NPAS3: variants seen among roughly 807,000 people sequenced by gnomAD.
The protein encoded by NPAS3 is neuronal PAS domain-containing protein 3.
Under a neutral mutation model 73.1 loss-of-function variants are expected in NPAS3, and 14 were observed. The observed-to-expected ratio is 0.19, with a 90% CI of 0.13 to 0.30. NPAS3 has a LOEUF of 0.30. NPAS3 is among the 10% of genes least tolerant of loss of function. The pLI is 1.00. For missense variants in NPAS3, 1,096 were observed against 1,250.0 expected (o/e 0.88, Z 1.86); for synonymous variants, 620 against 541.5 (o/e 1.14, Z -2.01).
intron 3 of NPAS3, among the ~76,000 whole-genome samples, chr14:33,365,120 T>A (rs1056195157): frequency 2.2e-5 from 3 of 134,056 alleles, no homozygotes; most frequent in Non-Finnish European, 4.6e-5. Context: ...CTAATTACTG[T>A]CTCAAAAACA....
intron 5 of NPAS3, among the ~76,000 whole-genome samples, chr14:33,656,106 C>T (rs7155493): frequency 0.49 from 73,933 of 151,656 alleles, 18,103 homozygotes; most frequent in East Asian, 0.57. Flanking sequence ...AATTTCTGTT[C>T]AGTCAGACTT....
At chr14:33,024,440 G>T (rs1257805235) in intron 1 of NPAS3, among the ~76,000 whole-genome samples, 1 of 152,034 alleles carries the variant, frequency 6.6e-6, no homozygotes, top group African/African-American at 2.4e-5. Context: ...AAAGTGCTGG[G>T]ATTACAGGCG....
chr14:33,599,886 T>C (rs966666691), intron 5 of NPAS3, among the ~76,000 whole-genome samples: 2 of 152,142 alleles, frequency 1.3e-5, no homozygotes, highest in Admixed American at 1.3e-4. Context: ...TTAAAACAAG[T>C]GATGGTTATT....
chr14:33,589,640 C>A lies in NPAS3; in HGVS notation c.558+29430C>A, dbSNP rs79684223. ...ATCTCATCGCTCCTTCCACCATCTA[C>A]TATAAAGTTTTTTATTGTTGTTTTC... On this transcript the variant is annotated intron_variant, in intron 5 of 11. Transcript: ENST00000356141. Among the ~76,000 whole-genome samples, 2,016 of 152,236 alleles carry A rather than the reference C, an allele frequency of 0.013. 108 individuals carry two copies. In the East Asian group the frequency reaches 0.19, roughly 15 times the overall value.
intron 5 of NPAS3, among the ~76,000 whole-genome samples, chr14:33,564,702 A>G (rs2055838185): frequency 6.6e-6 from 1 of 152,222 alleles, no homozygotes; most frequent in Non-Finnish European, 1.5e-5. Flanking sequence ...AGTTAACCAG[A>G]GAATACAATT....
At chr14:33,387,432 A>G (rs1036926296) in intron 4 of NPAS3, among the ~76,000 whole-genome samples, 1 of 152,152 alleles carries the variant, frequency 6.6e-6, no homozygotes, top group Non-Finnish European at 1.5e-5. Context: ...CAGCCACAGT[A>G]TTCAGTTACC....
At chr14:33,226,087 G>A (rs1007279921) in intron 3 of NPAS3, among the ~76,000 whole-genome samples, 7 of 152,096 alleles carry the variant, frequency 4.6e-5, no homozygotes, top group African/African-American at 4.8e-5. Flanking sequence ...GTATGTCACC[G>A]AAAAAATTAA....
At chr14:32,943,517 A>C (rs540627878) in intron 1 of NPAS3, among the ~76,000 whole-genome samples, 1 of 152,036 alleles carries the variant, frequency 6.6e-6, no homozygotes, top group African/African-American at 2.4e-5. Context: ...ATTCAGTGCT[A>C]TGTTACAATT....
rs371167837 is a variant in NPAS3 at position 33,647,090 on chromosome 14, T to C, written c.559-29121T>C. On this transcript the variant is annotated intron_variant, in intron 5 of 11. Coordinates refer to ENST00000356141, the Ensembl canonical transcript of NPAS3. ...TGTGAAAGTCAGGTATATTATTTTC[T>C]CATGGAAGCAATGTTTATGTCCTTA... 1.7e-4 allele frequency among the ~76,000 whole-genome samples: 26 copies of C among 152,308 alleles called. No homozygotes were observed. The East Asian group carries it at 5.0e-3, about 29-fold the overall frequency.
intron 4 of NPAS3, among the ~76,000 whole-genome samples, chr14:33,521,626 C>T (rs1023124118): frequency 1.3e-5 from 2 of 151,664 alleles, no homozygotes; most frequent in African/African-American, 4.8e-5. Context: ...TTCGTAGCAT[C>T]GAAATCCCTT....
At chr14:33,091,155 G>A (rs555814811) in intron 2 of NPAS3, among the ~76,000 whole-genome samples, 1 of 152,132 alleles carries the variant, frequency 6.6e-6, no homozygotes, top group African/African-American at 2.4e-5. Flanking sequence ...AGAACTGAAG[G>A]AGATAGAGAC....
rs183408628 is a variant in NPAS3, at chr14:32,962,866, G to A, written c.50+23500G>A. Among the ~76,000 whole-genome samples, 38 of 149,448 alleles carry A rather than the reference G, an allele frequency of 2.5e-4. 1 individual carries two copies. The highest frequency in any genetic ancestry group is 2.5e-3 in the Admixed American group (38 of 15,046). ...GTGTGAGCTACCACACCTGGCCAGG[G>A]GTAGTTTTTCTTTCTTTTTTTTTTT... On this transcript the variant is annotated intron_variant, in intron 1 of 11. Transcript: ENST00000356141.
At chr14:32,996,431 T>C (rs1419988747) in intron 1 of NPAS3, among the ~76,000 whole-genome samples, 2 of 152,144 alleles carry the variant, frequency 1.3e-5, no homozygotes, top group Non-Finnish European at 2.9e-5. Flanking sequence ...GGGGAAAATG[T>C]ATCTAGGGCA....
intron 3 of NPAS3, among the ~76,000 whole-genome samples, chr14:33,224,611 T>G (rs1480044511): frequency 6.6e-6 from 1 of 152,152 alleles, no homozygotes; most frequent in African/African-American, 2.4e-5. Flanking sequence ...AATTTGGGCC[T>G]CTGTGATCCT....
chr14:33,059,025 G>T (rs2096399382), intron 2 of NPAS3, among the ~76,000 whole-genome samples: 1 of 152,160 alleles, frequency 6.6e-6, no homozygotes, highest in Non-Finnish European at 1.5e-5. Context: ...AGAGTCAATT[G>T]TATGCACCTC....
chr14:33,155,593 T>G (rs1006036505), intron 2 of NPAS3, among the ~76,000 whole-genome samples: 6 of 152,212 alleles, frequency 3.9e-5, no homozygotes, highest in Admixed American at 1.3e-4. Context: ...CAATGCACTG[T>G]GCTAGTTGCT....
chr14:33,366,687 T>C (rs950784957), intron 3 of NPAS3, among the ~76,000 whole-genome samples: 8 of 152,184 alleles, frequency 5.3e-5, no homozygotes, highest in African/African-American at 1.9e-4. Context: ...TTATCCAATA[T>C]GTTGTGCTGA....
At chr14:33,393,415 T>C (rs1374442601) in intron 4 of NPAS3, among the ~76,000 whole-genome samples, 1 of 152,194 alleles carries the variant, frequency 6.6e-6, no homozygotes, top group Non-Finnish European at 1.5e-5. Context: ...CTCACAACTA[T>C]GCACTACTTC....
At chr14:33,376,388 T>C (rs918564473) in intron 4 of NPAS3, among the ~76,000 whole-genome samples, 1 of 152,174 alleles carries the variant, frequency 6.6e-6, no homozygotes, top group African/African-American at 2.4e-5. Context: ...AAAAAATAGC[T>C]CATCAAACTT....
Sources: gnomAD v4.1 joint callset for allele counts (sites outside exome capture counted in the v4.1 genomes callset) on GRCh38, gnomAD v4.1.1 for gene constraint, MANE v1.5 for transcripts, NCBI Gene and HGNC (gene_info 2026-07-23, HGNC 2026-07-21) for gene names.